The following LPGAT1 variants were observed in gnomAD, a reference collection of about 807,000 sequenced individuals.
LPGAT1 encodes lysophosphatidylglycerol acyltransferase 1.
LPGAT1 carries 11 observed loss-of-function variants against 47.5 expected under a neutral mutation model. The ratio of observed to expected loss-of-function variants is 0.23; its 90% CI spans 0.15 to 0.38. The LOEUF is 0.38. Ranked by LOEUF, LPGAT1 falls within the 10% of genes least tolerant of loss-of-function variation. LPGAT1 has a pLI of 1.00. For missense variants in LPGAT1, 293 were observed against 439.0 expected, an observed-to-expected ratio of 0.67 and a Z score of 2.97; for synonymous variants, 138 against 144.2, an observed-to-expected ratio of 0.96 and a Z score of 0.31.
At chr1:211,764,405 G>A (rs919713335) in intron 6 of LPGAT1, among the ~76,000 whole-genome samples, 3 of 152,166 alleles carry the variant, frequency 2.0e-5, no homozygotes, top group Admixed American at 2.0e-4. Context: ...ACTTTATGTG[G>A]TGTCATCTGT....
chr1:211,771,226 C>G (rs1455519757), intron 6 of LPGAT1, among the ~76,000 whole-genome samples: 2 of 151,994 alleles, frequency 1.3e-5, no homozygotes, highest in South Asian at 2.1e-4. Flanking sequence ...ATGTACAGGT[C>G]TGCAGCCTAG....
At chr1:211,808,155 G>A (rs1452985786) in intron 2 of LPGAT1, among the ~76,000 whole-genome samples, 1 of 152,094 alleles carries the variant, frequency 6.6e-6, no homozygotes, top group East Asian at 1.9e-4. Context: ...AGACCAGCCT[G>A]ACCAACATGG....
intron 6 of LPGAT1, among the ~76,000 whole-genome samples, chr1:211,766,255 A>G (rs757017731): frequency 1.3e-5 from 2 of 152,102 alleles, no homozygotes; most frequent in African/African-American, 2.4e-5. Flanking sequence ...GAACGACACC[A>G]CTGGCTTTCC....
At chr1:211,801,898 G>T (rs1345967987) in intron 2 of LPGAT1, among the ~76,000 whole-genome samples, 1 of 151,894 alleles carries the variant, frequency 6.6e-6, no homozygotes, top group Non-Finnish European at 1.5e-5. Context: ...TGACCAACAT[G>T]GTGAAACCCC....
chr1:211,775,993 G>C (rs999526651), intron 6 of LPGAT1, among the ~76,000 whole-genome samples: 2 of 145,106 alleles, frequency 1.4e-5, no homozygotes, highest in African/African-American at 5.0e-5. Flanking sequence ...GTTTTGATTT[G>C]ATCCATAATA....
Position 211,743,533 on chromosome 1 carries a change from C to G in LPGAT1, c.*6366G>C, listed in dbSNP as rs142722420. The G allele has an allele frequency of 2.8e-3, 369 of 130,730 alleles. No homozygotes were observed. The highest frequency in any genetic ancestry group is 0.01 in the African/African-American group (351 of 33,836). The allele number at this position is 130,730 out of a possible 1,614,324, so 8.1% of individuals were successfully genotyped here. A position where few individuals can be genotyped will look rare whatever the true frequency, so the allele number is the denominator to read the frequency against. ...TGGTCACGCCTGCTCATACAGCTGA[C>G]TTCTTAGAGCCAAAAGAGAATTTTT... On this transcript the variant is annotated 3_prime_UTR_variant, in exon 8 of 8. Transcript: ENST00000366997.
chr1:211,750,029 C>A lies in LPGAT1; in HGVS notation c.983G>T (p.Gly328Val). The A allele has an allele frequency of 6.2e-7, 1 of 1,613,306 alleles. No individual in the cohort carries two copies. The highest frequency in any genetic ancestry group is 8.5e-7 in the Non-Finnish European group (1 of 1,179,806). The change falls in exon 8 of 8, where the codon GGC becomes GTC. Residue 328 changes from glycine to valine, a missense_variant. Transcript: ENST00000366997. ...CTCCCTGGAAACAGCTTCCTTATGGCCCTTGGAAGGTGGAAAAGCTCCTAA... is the reference window on the plus strand; with the variant it reads ...CTCCCTGGAAACAGCTTCCTTATGGACCTTGGAAGGTGGAAAAGCTCCTAA... ...YETGAFPPSK[G>V]HKEAVSREMT...
At chr1:211,789,896 T>G (rs1295011298) in intron 3 of LPGAT1, among the ~76,000 whole-genome samples, 2 of 150,726 alleles carry the variant, frequency 1.3e-5, no homozygotes, top group Admixed American at 1.3e-4. Flanking sequence ...TACCAACACT[T>G]TCAGAAAACA....
chr1:211,785,248 T>C (rs1466844433), intron 4 of LPGAT1, among the ~76,000 whole-genome samples: 1 of 152,216 alleles, frequency 6.6e-6, no homozygotes, highest in Non-Finnish European at 1.5e-5. Flanking sequence ...TTAGTCAGTT[T>C]GCTGAAGTGA....
intron 5 of LPGAT1, among the ~76,000 whole-genome samples, chr1:211,780,046 G>A (rs967981864): frequency 1.3e-5 from 2 of 151,114 alleles, no homozygotes; most frequent in South Asian, 2.1e-4. Flanking sequence ...GCATGGTAGT[G>A]CACGCTTGTA....
rs1246098163 is a variant in LPGAT1 at position 211,749,924 on chromosome 1, T to C, written c.1088A>G (p.Gln363Arg). 2 of 1,613,896 alleles carry C rather than the reference T, an allele frequency of 1.2e-6. No individual in the cohort carries two copies. Among genetic ancestry groups the C allele is most frequent in the Admixed American group, 1.7e-5 (1 of 59,972 alleles). Reference protein sequence around the residue: ...LSGYMWYNIIQYFYHCLF With the variant: ...LSGYMWYNIIRYFYHCLF ...CTAAAACAGGCAATGGTAAAAATAC[T>C]GAATGATGTTGTACCACATATAGCC... The change falls in exon 8 of 8, where the codon CAG becomes CGG. Residue 363 changes from glutamine to arginine, a missense_variant. Physicochemically the swap from Gln to Arg is conservative, Grantham distance 43. Coordinates refer to ENST00000366997, the MANE Select transcript of LPGAT1 (RefSeq NM_014873.3).
intron 2 of LPGAT1, among the ~76,000 whole-genome samples, chr1:211,820,250 T>C (rs1315268260): frequency 6.6e-6 from 1 of 151,646 alleles, no homozygotes; most frequent in East Asian, 1.9e-4. Context: ...AAATAACAGA[T>C]TGAGGAAAAT....
chr1:211,770,123 G>T (rs1658101293), intron 6 of LPGAT1, among the ~76,000 whole-genome samples: 1 of 152,080 alleles, frequency 6.6e-6, no homozygotes, highest in Non-Finnish European at 1.5e-5. Flanking sequence ...ATTTTATTTA[G>T]TCATCCCTCT....
chr1:211,825,591 T>C (rs1016296073), intron 2 of LPGAT1, among the ~76,000 whole-genome samples: 5 of 152,166 alleles, frequency 3.3e-5, no homozygotes, highest in Non-Finnish European at 7.3e-5. Context: ...TGGTTTGCCC[T>C]TGAAATATTA....
chr1:211,779,262 A>G (rs766020244), intron 5 of LPGAT1, among the ~76,000 whole-genome samples: 1 of 152,150 alleles, frequency 6.6e-6, no homozygotes, highest in Non-Finnish European at 1.5e-5. Context: ...AACAAAGAAC[A>G]CTATTATCTA....
rs141074535 is a variant in LPGAT1 at position 211,747,045 on chromosome 1, T to C, written c.*2854A>G. 1.6e-4 allele frequency: 24 copies of C among 152,354 alleles called. No individual in the cohort carries two copies. The highest frequency in any genetic ancestry group is 4.6e-4 in the African/African-American group (19 of 41,592). The allele number at this position is 152,354 out of a possible 1,614,324, so 9.4% of individuals were successfully genotyped here. ...ACAAGCTATTGATATAAAACTGGCA[T>C]AGTTTTATCTTCTTTCCTCTTGACA... On this transcript the variant is annotated 3_prime_UTR_variant, in exon 8 of 8. Transcript: ENST00000366997.
chr1:211,804,922 G>A (rs1659697751), intron 2 of LPGAT1, among the ~76,000 whole-genome samples: 1 of 152,074 alleles, frequency 6.6e-6, no homozygotes, highest in African/African-American at 2.4e-5. Context: ...CTGTGGTAGT[G>A]GTCATATAAC....
At chr1:211,828,316 G>A (rs1660605693) in intron 2 of LPGAT1, among the ~76,000 whole-genome samples, 1 of 152,164 alleles carries the variant, frequency 6.6e-6, no homozygotes, top group Non-Finnish European at 1.5e-5. Flanking sequence ...AATTTTCACA[G>A]CAAGGGCATA....
intron 3 of LPGAT1, 103 bp downstream of exon 3, chr1:211,792,969 C>T: frequency 1.4e-6 from 1 of 711,398 alleles, no homozygotes; most frequent in Non-Finnish European, 2.3e-6. Flanking sequence ...CTCAGCCTCC[C>T]AAAGTGCTGG....
Sources: gnomAD v4.1 joint callset for allele counts (sites outside exome capture counted in the v4.1 genomes callset) on GRCh38, gnomAD v4.1.1 for gene constraint, MANE v1.5 for transcripts, NCBI Gene and HGNC (gene_info 2026-07-23, HGNC 2026-07-21) for gene names.